Variants in NCKAP5 observed in about 807,000 individuals in gnomAD.
The protein encoded by NCKAP5 is NCK associated protein 5, also known as nck-associated protein 5.
A neutral mutation model predicts 167.0 loss-of-function variants in NCKAP5; 92 were observed. The ratio of observed to expected loss-of-function variants is 0.55; its 90% CI spans 0.47 to 0.66. NCKAP5 has a LOEUF of 0.66. Ranked by LOEUF, NCKAP5 falls within the 30% of genes least tolerant of loss-of-function variation. The pLI, the probability that NCKAP5 is intolerant of heterozygous loss-of-function variation, is 0.00. For missense variants in NCKAP5, 2,378 were observed against 2,315.0 expected (o/e 1.03, Z -0.56); for synonymous variants, 891 against 877.4 (o/e 1.02, Z -0.27).
intron 8 of NCKAP5, among the ~76,000 whole-genome samples, chr2:132,886,580 A>G (rs1385079134): frequency 6.6e-6 from 1 of 152,198 alleles, no homozygotes; most frequent in Non-Finnish European, 1.5e-5. Flanking sequence ...GTCCTCTCAT[A>G]TGGAACAGTT....
intron 16 of NCKAP5, among the ~76,000 whole-genome samples, chr2:132,739,451 C>A (rs1468678137): frequency 6.6e-6 from 1 of 152,150 alleles, no homozygotes; most frequent in African/African-American, 2.4e-5. Flanking sequence ...TGGCTACCTG[C>A]TTGCTGTGGG....
At chr2:132,715,198 C>T (rs964873789) in intron 19 of NCKAP5, among the ~76,000 whole-genome samples, 1 of 152,184 alleles carries the variant, frequency 6.6e-6, no homozygotes, top group African/African-American at 2.4e-5. Context: ...GCTTTTTCCT[C>T]TTGCACATGA....
Position 133,517,473 on chromosome 2 carries a change from T to G in NCKAP5, c.54A>C (p.Leu18=). The G allele has an allele frequency of 6.6e-7, 1 of 1,522,060 alleles. No homozygotes were observed. Among genetic ancestry groups the G allele is most frequent in the Non-Finnish European group, 8.9e-7 (1 of 1,129,518 alleles). 94.3% of individuals were successfully genotyped at this position (1,522,060 alleles called of 1,614,324 possible). A position where few individuals can be genotyped will look rare whatever the true frequency, so the allele number is the denominator to read the frequency against. Residue 18 remains leucine, a synonymous_variant, in exon 3 of 20, where the codon CTA becomes CTC. Coordinates refer to ENST00000409261, the MANE Select transcript of NCKAP5 (RefSeq NM_207363.3). ...TAGTACTTACCACAAGACTGCTGTC[T>G]AGAGACAGCCTTTTTCCAAAGTCCC... ...EKRDFGKRLS[L]DSSLVEYMDS...
chr2:133,212,045 A>G (rs2086232516), intron 5 of NCKAP5, among the ~76,000 whole-genome samples: 1 of 152,234 alleles, frequency 6.6e-6, no homozygotes, highest in African/African-American at 2.4e-5. Context: ...AGAGATTCAT[A>G]TCACGAAAAC....
chr2:132,827,513 A>C (rs1444634490), intron 11 of NCKAP5, among the ~76,000 whole-genome samples: 2 of 152,290 alleles, frequency 1.3e-5, no homozygotes, highest in East Asian at 3.9e-4. Flanking sequence ...CCATCATCTC[A>C]AACATTTATC....
chr2:132,952,100 C>T (rs1465626875), intron 8 of NCKAP5, among the ~76,000 whole-genome samples: 5 of 152,128 alleles, frequency 3.3e-5, no homozygotes, highest in African/African-American at 1.2e-4. Context: ...CAGTTTCTGA[C>T]ATCAAAATTT....
chr2:133,319,654 G>T (rs1271051204), intron 3 of NCKAP5, among the ~76,000 whole-genome samples: 3 of 152,126 alleles, frequency 2.0e-5, no homozygotes, highest in African/African-American at 7.2e-5. Flanking sequence ...CTTACCAGTG[G>T]ATAGTAATTT....
At chr2:132,962,777 G>A (rs972717775) in intron 8 of NCKAP5, among the ~76,000 whole-genome samples, 9 of 152,078 alleles carry the variant, frequency 5.9e-5, no homozygotes, top group Non-Finnish European at 1.0e-4. Context: ...ATTTTTAGTA[G>A]AGACGGGGTT....
At chr2:133,629,334 C>G in the NCKAP5 span, among the ~76,000 whole-genome samples, 1 of 152,110 alleles carries the variant, frequency 6.6e-6, no homozygotes, top group Non-Finnish European at 1.5e-5. Context: ...CATGAACAGA[C>G]ACTTCCCAAA....
chr2:132,862,495 TC>T (rs1689989438), intron 10 of NCKAP5, among the ~76,000 whole-genome samples: 1 of 152,188 alleles, frequency 6.6e-6, no homozygotes, highest in African/African-American at 2.4e-5. Flanking sequence ...CATTTTGTAC[TC>T]ATGAGCACAC....
chr2:132,750,389 T>G (rs963648251), intron 16 of NCKAP5, among the ~76,000 whole-genome samples: 2 of 152,186 alleles, frequency 1.3e-5, no homozygotes, highest in Admixed American at 1.3e-4. Context: ...TCCAATAGAA[T>G]GAGATCATTA....
At chr2:133,358,596 C>T (rs146351094) in intron 3 of NCKAP5, among the ~76,000 whole-genome samples, 18 of 152,244 alleles carry the variant, frequency 1.2e-4, no homozygotes, top group South Asian at 4.1e-4. Context: ...TGTGTTGAAC[C>T]GCACTGAGTA....
chr2:133,606,316 T>C, the NCKAP5 span, among the ~76,000 whole-genome samples: 1 of 152,182 alleles, frequency 6.6e-6, no homozygotes, highest in Admixed American at 6.5e-5. Context: ...TGTAGACAAA[T>C]AAGTTTCCTA....
chr2:133,024,405 T>C lies in NCKAP5; in HGVS notation c.342-30166A>G, dbSNP rs562042911. On this transcript the variant is annotated intron_variant, in intron 6 of 19. Coordinates refer to ENST00000409261, the MANE Select transcript of NCKAP5 (RefSeq NM_207363.3). Reference sequence around the variant, plus strand: ...TCATATCTTACATAGCACTAAAATGTAATACTCATTATGCAATCAAATTAT... The same window carrying C: ...TCATATCTTACATAGCACTAAAATGCAATACTCATTATGCAATCAAATTAT... Among the ~76,000 whole-genome samples, 5 of 152,310 alleles carry C rather than the reference T, an allele frequency of 3.3e-5. No individual in the cohort carries two copies. In the South Asian group the frequency reaches 1.0e-3, roughly 32 times the overall value.
At chr2:133,009,602 T>C (rs561657746) in intron 6 of NCKAP5, among the ~76,000 whole-genome samples, 13 of 152,334 alleles carry the variant, frequency 8.5e-5, no homozygotes, top group South Asian at 2.1e-4. Context: ...TGTTCCTCTA[T>C]TTGATAATCA....
At chr2:133,266,614 G>A (rs1005468053) in intron 4 of NCKAP5, among the ~76,000 whole-genome samples, 3 of 152,176 alleles carry the variant, frequency 2.0e-5, no homozygotes, top group Non-Finnish European at 4.4e-5. Context: ...GCAGCAAGGC[G>A]CGCGCTGCAG....
chr2:132,840,838 G>A (rs1409927190), intron 11 of NCKAP5, among the ~76,000 whole-genome samples: 1 of 151,826 alleles, frequency 6.6e-6, no homozygotes, highest in Non-Finnish European at 1.5e-5. Context: ...TCTAGGCTTT[G>A]TGGTTCACCT....
At chr2:133,097,335 T>C (rs1220619308) in intron 6 of NCKAP5, among the ~76,000 whole-genome samples, 1 of 152,222 alleles carries the variant, frequency 6.6e-6, no homozygotes, top group Non-Finnish European at 1.5e-5. Context: ...TTTGTCATTA[T>C]GGAAGCTTTA....
chr2:133,024,776 T>C (rs2078639636), intron 6 of NCKAP5, among the ~76,000 whole-genome samples: 1 of 152,212 alleles, frequency 6.6e-6, no homozygotes, highest in Non-Finnish European at 1.5e-5. Flanking sequence ...ATTTATCAAC[T>C]TTATATGAAT....
Sources: gnomAD v4.1 joint callset for allele counts (sites outside exome capture counted in the v4.1 genomes callset) on GRCh38, gnomAD v4.1.1 for gene constraint, MANE v1.5 for transcripts, NCBI Gene and HGNC (gene_info 2026-07-23, HGNC 2026-07-21) for gene names.